Variants in MBTPS1 observed in about 807,000 individuals in gnomAD.
MBTPS1 encodes membrane-bound transcription factor site-1 protease.
A neutral mutation model predicts 127.8 loss-of-function variants in MBTPS1; 94 were observed. The observed-to-expected ratio is 0.74, with a 90% CI of 0.62 to 0.87. The LOEUF is 0.87. Among genes scored for constraint, MBTPS1 ranks in the 40% least tolerant of loss-of-function variants. The pLI, the probability that MBTPS1 is intolerant of heterozygous loss-of-function variation, is 0.00. For missense variants in MBTPS1, 1,636 were observed against 1,353.2 expected (o/e 1.21, Z -3.28); for synonymous variants, 632 against 509.4 (o/e 1.24, Z -3.24).
intron 9 of MBTPS1, among the ~76,000 whole-genome samples, chr16:84,086,756 G>A (rs2086033845): frequency 6.6e-6 from 1 of 152,306 alleles, no homozygotes; most frequent in Non-Finnish European, 1.5e-5. Context: ...CACAGCGAGG[G>A]CAAAGGTGCC....
intron 17 of MBTPS1, 149 bp from the exon 18 acceptor site, chr16:84,065,916 G>A (rs1393344622): frequency 9.6e-6 from 5 of 518,862 alleles, no homozygotes; most frequent in Non-Finnish European, 1.7e-5. Context: ...CTATTGCCTT[G>A]TCACACATAA....
intron 17 of MBTPS1, 136 bp from the exon 18 acceptor site, chr16:84,065,903 C>T (rs527709430): frequency 7.5e-6 from 4 of 530,084 alleles, no homozygotes; most frequent in Non-Finnish European, 1.3e-5. Context: ...GAGGGAGGAG[C>T]TGCTATTGCC....
At chr16:84,093,616 T>A (rs1341479086) in intron 5 of MBTPS1, 95 bp downstream of exon 5, 1 of 904,644 alleles carries the variant, frequency 1.1e-6, no homozygotes. Context: ...CACCTTGGGC[T>A]TGTCTGAATA....
At chr16:84,099,483 G>A (rs576254237) in intron 2 of MBTPS1, among the ~76,000 whole-genome samples, 173 bp from the exon 3 acceptor site, 1 of 152,250 alleles carries the variant, frequency 6.6e-6, no homozygotes, top group East Asian at 1.9e-4. Flanking sequence ...GCAGAGCTTT[G>A]AGGAAAAATG....
chr16:84,095,787 C>A lies in MBTPS1; in HGVS notation c.440G>T (p.Cys147Phe). The A allele has an allele frequency of 6.2e-7, 1 of 1,613,876 alleles. No homozygotes were observed. Among genetic ancestry groups the A allele is most frequent in the Non-Finnish European group, 8.5e-7 (1 of 1,179,956 alleles). ...KYAESDPTVP[C>F]NETRWSQKWQ... The stretch of plus-strand genomic sequence containing the variant: ...CTTCTGGCTCCACCGGGTTTCATTG[C>A]AGGGTACTGTGGGGTCAGCTACAGG... Residue 147 changes from cysteine (C) to phenylalanine (F), a missense_variant, in exon 4 of 23, where the codon TGC becomes TTC. Coordinates refer to ENST00000343411, the MANE Select transcript of MBTPS1 (RefSeq NM_003791.4).
chr16:84,076,299 A>G (rs1440630427), intron 11 of MBTPS1, among the ~76,000 whole-genome samples: 1 of 152,156 alleles, frequency 6.6e-6, no homozygotes. Context: ...ATACATATAT[A>G]TATAGATATA....
chr16:84,070,462 G>T, intron 13 of MBTPS1, 126 bp downstream of exon 13: 2 of 922,302 alleles, frequency 2.2e-6, no homozygotes, highest in South Asian at 1.6e-5. Context: ...ATCAATTGTG[G>T]CCATCGAGGA....
At chr16:84,091,507 A>T (rs902771286) in intron 7 of MBTPS1, among the ~76,000 whole-genome samples, 1 of 151,292 alleles carries the variant, frequency 6.6e-6, no homozygotes, top group African/African-American at 2.4e-5. Context: ...AAAAAAAAAA[A>T]ATCAGCAAGG....
intron 18 of MBTPS1, among the ~76,000 whole-genome samples, chr16:84,064,093 A>G (rs2085649265): frequency 6.6e-6 from 1 of 152,156 alleles, no homozygotes; most frequent in African/African-American, 2.4e-5. Context: ...TAAATGCCAC[A>G]GGCAGCATCA....
intron 11 of MBTPS1, chr16:84,075,448 T>A (rs1165881653): frequency 7.2e-6 from 1 of 138,346 alleles, no homozygotes; most frequent in Non-Finnish European, 1.5e-5. Flanking sequence ...TCACTCCTAG[T>A]GCAGCAGCGG....
In MBTPS1 at chr16:84,101,638, G is replaced by C. The variant is rs753502902; in HGVS notation, c.146C>G (p.Ser49Ter). 1 of 1,613,736 alleles carries C rather than the reference G, an allele frequency of 6.2e-7. No individual in the cohort carries two copies. Among genetic ancestry groups the C allele is most frequent in the Admixed American group, 1.7e-5 (1 of 59,962 alleles). Residue 49 changes from serine to a stop codon, truncating the protein, a stop_gained, in exon 2 of 23, where the codon TCA (serine) becomes TGA (stop). Coordinates refer to ENST00000343411, the MANE Select transcript of MBTPS1 (RefSeq NM_003791.4). LOFTEE classifies it high-confidence loss of function. ...SHLTLKVEFS[S>*]TVVEYEYIVA... is the part of the protein sequence containing the mutation. ...ATCATTACCATATTCCACAACTGTT[G>C]ATGAGAATTCCACCTTCAAAGTCAG...
At chr16:84,113,279 T>G (rs1010661285) in intron 1 of MBTPS1, among the ~76,000 whole-genome samples, 26 of 152,350 alleles carry the variant, frequency 1.7e-4, no homozygotes, top group African/African-American at 6.3e-4. Flanking sequence ...TTAACTGGAT[T>G]TAATTTCTAT....
In MBTPS1 at chr16:84,085,553, C is replaced by T. The variant is rs569000192; in HGVS notation, c.1135-419G>A. 2.8e-5 allele frequency among the ~76,000 whole-genome samples: 4 copies of T among 140,996 alleles called. No homozygotes were observed. The East Asian group carries it at 8.4e-4, about 30-fold the overall frequency. The allele number at this position is 140,996 out of a possible 152,430, so 92.5% of individuals were successfully genotyped here. ...CTGGGCAACACAGTGAGATCCTGTC[C>T]CCCTCAGCCCCGCACCCGCCCCCCC... On this transcript the variant is annotated intron_variant, in intron 9 of 22. Coordinates refer to ENST00000343411, the MANE Select transcript of MBTPS1 (RefSeq NM_003791.4).
At chr16:84,059,611 A>G in intron 20 of MBTPS1, 183 bp from the exon 21 acceptor site, 1 of 511,718 alleles carries the variant, frequency 2.0e-6, no homozygotes, top group African/African-American at 1.9e-5. Context: ...CTCCCGGACA[A>G]TGTGTGTTTC....
At chr16:84,065,081 A>G (rs1239890354) in intron 18 of MBTPS1, among the ~76,000 whole-genome samples, 1 of 152,186 alleles carries the variant, frequency 6.6e-6, no homozygotes. Flanking sequence ...AACAATTTAT[A>G]AAGGGTAACA....
intron 1 of MBTPS1, among the ~76,000 whole-genome samples, chr16:84,112,462 A>G (rs2086410764): frequency 6.6e-6 from 1 of 151,918 alleles, no homozygotes; most frequent in Admixed American, 6.6e-5. Flanking sequence ...GATCGAGACC[A>G]TCCTGGCTAA....
intron 16 of MBTPS1, 97 bp from the exon 17 acceptor site, chr16:84,066,710 C>A: frequency 1.6e-6 from 2 of 1,224,674 alleles, no homozygotes; most frequent in South Asian, 1.5e-5. Context: ...TCTCCTGCCA[C>A]AATCCAGTCC....
intron 11 of MBTPS1, among the ~76,000 whole-genome samples, chr16:84,077,021 T>C (rs1023787598): frequency 6.7e-6 from 1 of 150,044 alleles, no homozygotes; most frequent in African/African-American, 2.4e-5. Context: ...AGCCCAGGAG[T>C]TGAAGACCAG....
chr16:84,101,914 A>T lies in MBTPS1; in HGVS notation c.-131T>A. 1 of 808,682 alleles carries T rather than the reference A, an allele frequency of 1.2e-6. No homozygotes were observed. The highest frequency in any genetic ancestry group is 2.0e-6 in the Non-Finnish European group (1 of 506,264). The allele number at this position is 808,682 out of a possible 1,614,324, so 50.1% of individuals were successfully genotyped here. A position where few individuals can be genotyped will look rare whatever the true frequency, so the allele number is the denominator to read the frequency against. ...ATCAGCCATCTTACAGTCTTGCCCA[A>T]CATAAATAAAAGTTAAATCCCATGG... On this transcript the variant is annotated 5_prime_UTR_variant, in exon 2 of 23. In the 5' UTR this introduces an upstream ATG that the reference lacks. Transcript: ENST00000343411.
Sources: allele counts gnomAD v4.1 joint callset (sites outside exome capture counted in the v4.1 genomes callset), GRCh38; gene constraint gnomAD v4.1.1; transcripts MANE v1.5; gene names NCBI Gene and HGNC (gene_info 2026-07-23, HGNC 2026-07-21).